Variants in PIGU observed in about 807,000 individuals in gnomAD.
PIGU encodes phosphatidylinositol glycan anchor biosynthesis class U.
In PIGU, 24 loss-of-function variants were observed where a neutral mutation model predicts 49.9. That is an observed-to-expected ratio of 0.48 (90% CI 0.35 to 0.68). The LOEUF is 0.68. Among genes scored for constraint, PIGU ranks in the 30% least tolerant of loss-of-function variants. The pLI is 0.01. For missense variants in PIGU, 490 were observed against 532.6 expected (o/e 0.92, Z 0.79); for synonymous variants, 220 against 205.7 (o/e 1.07, Z -0.59).
At chr20:34,659,113 C>T (rs1483386639) in intron 1 of PIGU, among the ~76,000 whole-genome samples, 7 of 131,862 alleles carry the variant, frequency 5.3e-5, no homozygotes, top group East Asian at 2.5e-4. Context: ...CCGCCCCGTC[C>T]GGGAGGTGAG....
At chr20:34,667,700 A>T (rs933519799) in intron 1 of PIGU, among the ~76,000 whole-genome samples, 7 of 152,356 alleles carry the variant, frequency 4.6e-5, no homozygotes, top group South Asian at 2.1e-4. Context: ...AAAATGAATG[A>T]GAGAAACAGA....
At chr20:34,575,962 C>CA (rs1194962845) in intron 10 of PIGU, among the ~76,000 whole-genome samples, 1 of 152,218 alleles carries the variant, frequency 6.6e-6, no homozygotes, top group African/African-American at 2.4e-5. Context: ...AGGAGTGTAG[C>CA]ATGGCAGCCG....
At chr20:34,663,652 G>A (rs1986994437) in intron 1 of PIGU, among the ~76,000 whole-genome samples, 1 of 152,070 alleles carries the variant, frequency 6.6e-6, no homozygotes, top group Non-Finnish European at 1.5e-5. Flanking sequence ...TATTGCTCAA[G>A]ACCGTTGTAA....
chr20:34,560,974 C>T lies in PIGU; in HGVS notation c.1200G>A (p.Leu400=). The T allele has an allele frequency of 6.2e-7, 1 of 1,603,348 alleles. No individual in the cohort carries two copies. The highest frequency in any genetic ancestry group is 8.5e-7 in the Non-Finnish European group (1 of 1,170,864). The change falls in exon 12 of 12, where the codon CTG becomes CTA. Residue 400 remains leucine (L), a synonymous_variant. Coordinates refer to ENST00000217446, the MANE Select transcript of PIGU (RefSeq NM_080476.5). ...ITLTFNVGQI[L]LISDYFYAFL... ...AGGCATAGAAGTAATCAGAGATGAG[C>T]AGGATCTGGGGGGAGAGAGAGGGTG... is the stretch of plus-strand genomic sequence containing the variant.
intron 7 of PIGU, among the ~76,000 whole-genome samples, chr20:34,614,192 G>A (rs1011010942): frequency 6.6e-6 from 1 of 152,136 alleles, no homozygotes; most frequent in Non-Finnish European, 1.5e-5. Context: ...AGTTACTTGG[G>A]AGGGTGAGGT....
At chr20:34,603,901 A>C (rs1414527047) in intron 7 of PIGU, among the ~76,000 whole-genome samples, 1 of 86,618 alleles carries the variant, frequency 1.2e-5, no homozygotes, top group African/African-American at 4.5e-5. Flanking sequence ...ACACCCCTAC[A>C]GGGGACCAGG....
At chr20:34,581,490 A>G in intron 10 of PIGU, 58 bp downstream of exon 10, 5 of 1,599,706 alleles carry the variant, frequency 3.1e-6, no homozygotes, top group Non-Finnish European at 4.3e-6. Flanking sequence ...TTTTCCCTGC[A>G]GCAGTCTCAT....
At chr20:34,676,930 C>T (rs1987523279) in intron 1 of PIGU, 26 bp downstream of exon 1, 1 of 1,559,266 alleles carries the variant, frequency 6.4e-7, no homozygotes, top group East Asian at 2.4e-5. Context: ...TGGGGCCTGA[C>T]AGTCTGCTCG....
rs760037412 is a variant in PIGU at position 34,677,081 on chromosome 20, G to A, written c.5C>T (p.Ala2Val). 4.2e-5 allele frequency: 65 copies of A among 1,562,026 alleles called. No homozygotes were observed. The highest frequency in any genetic ancestry group is 5.3e-5 in the Non-Finnish European group (61 of 1,153,446). The stretch of plus-strand genomic sequence containing the variant: ...CACCAGCACCAGGACCAAGGGAGCC[G>A]CCATGATAACTGGGGCGGGCGCGCG... M[A>V]APLVLVLVVA... Residue 2 changes from alanine to valine, a missense_variant, in exon 1 of 12, where the codon GCG becomes GTG. Ala to Val is a moderately conservative substitution (Grantham distance 64, BLOSUM62 0). Transcript: ENST00000217446.
intron 2 of PIGU, 99 bp downstream of exon 2, chr20:34,657,081 T>A: frequency 9.6e-6 from 9 of 941,274 alleles, no homozygotes; most frequent in Non-Finnish European, 1.3e-5. Context: ...TCGTCAAGAA[T>A]ACATCTTTTT....
intron 7 of PIGU, among the ~76,000 whole-genome samples, chr20:34,601,873 C>T (rs1277870754): frequency 6.6e-6 from 1 of 152,198 alleles, no homozygotes; most frequent in Non-Finnish European, 1.5e-5. Flanking sequence ...AGATTTGTCT[C>T]TATATTTTAT....
At chr20:34,676,416 G>A (rs1987498795) in intron 1 of PIGU, among the ~76,000 whole-genome samples, 2 of 152,192 alleles carry the variant, frequency 1.3e-5, no homozygotes, top group Non-Finnish European at 2.9e-5. Flanking sequence ...ATAAAACAAT[G>A]TTCGGTGAAG....
intron 2 of PIGU, among the ~76,000 whole-genome samples, chr20:34,646,217 T>A (rs917345630): frequency 2.6e-5 from 4 of 152,208 alleles, no homozygotes; most frequent in Admixed American, 1.3e-4. Flanking sequence ...TTCTATTTAT[T>A]TCATAGATAA....
intron 7 of PIGU, among the ~76,000 whole-genome samples, chr20:34,608,353 C>T (rs1202317500): frequency 1.3e-5 from 2 of 152,038 alleles, no homozygotes; most frequent in Admixed American, 6.6e-5. Flanking sequence ...GGAATATAGG[C>T]GTGAGCCACC....
intron 11 of PIGU, among the ~76,000 whole-genome samples, chr20:34,564,547 C>G (rs1982665822): frequency 6.6e-6 from 1 of 152,160 alleles, no homozygotes; most frequent in African/African-American, 2.4e-5. Flanking sequence ...ATGTAACAAA[C>G]TCAAAATATT....
intron 7 of PIGU, among the ~76,000 whole-genome samples, chr20:34,610,590 T>C (rs988672196): frequency 2.0e-5 from 3 of 152,176 alleles, no homozygotes; most frequent in Admixed American, 2.0e-4. Flanking sequence ...TCCTTGTTCA[T>C]GGATAGGAAG....
intron 10 of PIGU, among the ~76,000 whole-genome samples, chr20:34,576,464 A>G (rs1165201925): frequency 6.6e-6 from 1 of 152,110 alleles, no homozygotes; most frequent in Non-Finnish European, 1.5e-5. Flanking sequence ...TCTCTAGAGG[A>G]GAACCCCTTG....
rs34871084 is a variant in PIGU at position 34,662,396 on chromosome 20, C to CTTTT, written c.131-5156_131-5153dup. Among the ~76,000 whole-genome samples, 101 of 131,276 alleles carry CTTTT rather than the reference C, an allele frequency of 7.7e-4. 1 individual carries two copies. Among genetic ancestry groups the CTTTT allele is most frequent in the African/African-American group, 2.3e-3 (79 of 34,966 alleles). The allele number at this position is 131,276 out of a possible 152,430, so 86.1% of individuals were successfully genotyped here. On this transcript the variant is annotated intron_variant, in intron 1 of 11. Transcript: ENST00000217446. ...TGAGCCACCATGCCCAGCCCTTTGC[C>CTTTT]TTTTTTTTTTTTTTTTTGAGACAGA...
At chr20:34,593,511 G>C (rs1984076315) in intron 7 of PIGU, among the ~76,000 whole-genome samples, 1 of 152,138 alleles carries the variant, frequency 6.6e-6, no homozygotes, top group Non-Finnish European at 1.5e-5. Flanking sequence ...CGCAATATTG[G>C]CTCGTTAATA....
Sources: allele counts gnomAD v4.1 joint callset (sites outside exome capture counted in the v4.1 genomes callset), GRCh38; gene constraint gnomAD v4.1.1; transcripts MANE v1.5; gene names NCBI Gene and HGNC (gene_info 2026-07-23, HGNC 2026-07-21).